Variants in ZFHX3 observed in about 807,000 individuals in gnomAD.
ZFHX3 encodes the protein zinc finger homeobox 3.
Under a neutral mutation model 279.1 loss-of-function variants are expected in ZFHX3, and 42 were observed. The observed-to-expected ratio is 0.15, with a 90% CI of 0.12 to 0.19. The LOEUF is 0.19. Among genes scored for constraint, ZFHX3 ranks in the 10% least tolerant of loss-of-function variants. The pLI, the probability that ZFHX3 is intolerant of heterozygous loss-of-function variation, is 1.00. For synonymous variants in ZFHX3, 2,293 were observed against 1,957.8 expected (o/e 1.17, Z -4.52); for missense variants, 4,981 against 4,754.0 (o/e 1.05, Z -1.40).
intron 4 of ZFHX3, among the ~76,000 whole-genome samples, chr16:73,274,828 TTCTC>T (rs2014247602): frequency 6.6e-6 from 1 of 152,244 alleles, no homozygotes; most frequent in Admixed American, 6.5e-5. Context: ...TTTCTGAACT[TTCTC>T]TACCAAAAGG....
intron 5 of ZFHX3, among the ~76,000 whole-genome samples, chr16:73,174,663 A>G (rs2144871220): frequency 6.6e-6 from 1 of 151,226 alleles, no homozygotes; most frequent in Non-Finnish European, 1.5e-5. Flanking sequence ...TGGTCCCCAC[A>G]CTCTTCTCCT....
chr16:73,001,109 T>G (rs1367348762), intron 1 of ZFHX3, among the ~76,000 whole-genome samples: 1 of 152,226 alleles, frequency 6.6e-6, no homozygotes, highest in African/African-American at 2.4e-5. Context: ...GGACACCACT[T>G]CTGAGATGAG....
chr16:73,094,975 G>A (rs1382278384), intron 7 of ZFHX3, among the ~76,000 whole-genome samples: 4 of 152,174 alleles, frequency 2.6e-5, no homozygotes, highest in South Asian at 2.1e-4. Context: ...CTCCTAAAGC[G>A]TTGGGATTAC....
At position 73,837,620 on chromosome 16, in the gene ZFHX3, A is replaced by ATTTTC. The variant is rs71727423; in HGVS notation, c.-1608+54026_-1608+54030dup. 6.6e-3 allele frequency among the ~76,000 whole-genome samples: 994 copies of ATTTTC among 150,820 alleles called. 1 individual carries two copies. Among genetic ancestry groups the ATTTTC allele is most frequent in the South Asian group, 0.021 (99 of 4,772 alleles). ...ATATTTCTATTTCCACATTGCTGCTATTTTCTTTTCTTTTCTTTTCTTTTC... is the reference window on the plus strand; with the variant it reads ...ATATTTCTATTTCCACATTGCTGCTATTTTCTTTTCTTTTCTTTTCTTTTCTTTTC... On this transcript the variant is annotated intron_variant, in intron 1 of 17. Coordinates refer to the ZFHX3 transcript ENST00000641206.
At chr16:72,870,028 G>A (rs924640657) in intron 4 of ZFHX3, among the ~76,000 whole-genome samples, 1 of 151,974 alleles carries the variant, frequency 6.6e-6, no homozygotes, top group African/African-American at 2.4e-5. Context: ...CCCAGTTGAA[G>A]GATACTTGAC....
chr16:72,942,479 G>A (rs1960458578), intron 3 of ZFHX3, among the ~76,000 whole-genome samples: 2 of 152,214 alleles, frequency 1.3e-5, no homozygotes, highest in Middle Eastern at 3.4e-3. Context: ...AAGGTCCAGG[G>A]CTTTCTAAAT....
At chr16:73,502,131 T>C (rs957757829) in intron 2 of ZFHX3, among the ~76,000 whole-genome samples, 2 of 152,038 alleles carry the variant, frequency 1.3e-5, no homozygotes, top group African/African-American at 4.8e-5. Flanking sequence ...AGCCCATAGA[T>C]GAAGAAACAT....
intron 5 of ZFHX3, among the ~76,000 whole-genome samples, chr16:73,154,061 G>T (rs973697531): frequency 6.6e-6 from 1 of 152,124 alleles, no homozygotes; most frequent in South Asian, 2.1e-4. Flanking sequence ...GGCTGTCAAC[G>T]TGATGCTGGG....
chr16:73,156,338 TA>T, intron 5 of ZFHX3, among the ~76,000 whole-genome samples: 1 of 151,686 alleles, frequency 6.6e-6, no homozygotes, highest in East Asian at 1.9e-4. Flanking sequence ...TAGTTCCCAT[TA>T]AAAAAAATGA....
intron 1 of ZFHX3, among the ~76,000 whole-genome samples, chr16:73,718,921 T>C (rs2053445567): frequency 6.6e-6 from 1 of 152,176 alleles, no homozygotes; most frequent in Non-Finnish European, 1.5e-5. Flanking sequence ...GCCTGAATCA[T>C]GTTTAAAAAC....
chr16:73,682,936 AAG>A (rs1252595601), intron 1 of ZFHX3, among the ~76,000 whole-genome samples: 8 of 17,728 alleles, frequency 4.5e-4, no homozygotes, highest in Non-Finnish European at 4.4e-4. Context: ...GAAAGAAAGA[AAG>A]AAAGAAAGAA....
At chr16:73,268,827 T>C (rs1386714588) in intron 4 of ZFHX3, among the ~76,000 whole-genome samples, 2 of 152,098 alleles carry the variant, frequency 1.3e-5, no homozygotes, top group Non-Finnish European at 1.5e-5. Flanking sequence ...GGGACATGCT[T>C]CCTACAAAGG....
chr16:73,697,680 T>C (rs2053210272), intron 1 of ZFHX3, among the ~76,000 whole-genome samples: 1 of 152,190 alleles, frequency 6.6e-6, no homozygotes, highest in African/African-American at 2.4e-5. Flanking sequence ...TAAATTCCAG[T>C]TTTAAAATAT....
At chr16:73,667,366 G>A (rs2052854165) in intron 2 of ZFHX3, among the ~76,000 whole-genome samples, 1 of 152,176 alleles carries the variant, frequency 6.6e-6, no homozygotes, top group South Asian at 2.1e-4. Flanking sequence ...TATGAGTAAA[G>A]CCACTGTAAA....
At position 73,429,478 on chromosome 16, in the gene ZFHX3, G is replaced by T. The variant is rs546065647; in HGVS notation, c.-1291+26525C>A. 7.9e-5 allele frequency among the ~76,000 whole-genome samples: 12 copies of T among 152,038 alleles called. No homozygotes were observed. In the South Asian group the frequency reaches 2.5e-3, roughly 32 times the overall value. On this transcript the variant is annotated intron_variant, in intron 3 of 17. Transcript: ENST00000641206. The stretch of plus-strand genomic sequence containing the variant: ...CTCCTGAGTAGCTGGGATTACAGAT[G>T]CCCGCCACCATGCCCGGCTGATTTT...
At chr16:73,614,979 C>T (rs143663908) in intron 2 of ZFHX3, among the ~76,000 whole-genome samples, 44 of 152,044 alleles carry the variant, frequency 2.9e-4, no homozygotes, top group African/African-American at 9.4e-4. Context: ...AGGCTGATCT[C>T]GAACTCCTGG....
intron 2 of ZFHX3, among the ~76,000 whole-genome samples, chr16:73,586,267 T>G (rs28615323): frequency 0.07 from 10,641 of 151,936 alleles, 1,281 homozygotes; most frequent in African/African-American, 0.24. Flanking sequence ...CACATGCCTG[T>G]AATCCCAGCT....
intron 2 of ZFHX3, among the ~76,000 whole-genome samples, chr16:73,508,443 C>T (rs2019365364): frequency 6.6e-6 from 1 of 152,182 alleles, no homozygotes; most frequent in African/African-American, 2.4e-5. Context: ...GGGTATACCA[C>T]CATGGAATAC....
At chr16:73,686,233 T>TAC (rs1348897587) in intron 1 of ZFHX3, among the ~76,000 whole-genome samples, 1 of 152,102 alleles carries the variant, frequency 6.6e-6, no homozygotes, top group Non-Finnish European at 1.5e-5. Flanking sequence ...TAGCTGGGAT[T>TAC]ACAGGTGCCC....
Sources: allele counts gnomAD v4.1 joint callset (sites outside exome capture counted in the v4.1 genomes callset), GRCh38; gene constraint gnomAD v4.1.1; transcripts MANE v1.5; gene names NCBI Gene and HGNC (gene_info 2026-07-23, HGNC 2026-07-21).